The following NDEL1 variants were observed in gnomAD, a reference collection of about 807,000 sequenced individuals.
The protein encoded by NDEL1 is nuclear distribution protein nudE-like 1.
NDEL1 carries 9 observed loss-of-function variants against 45.7 expected under a neutral mutation model. The observed-to-expected ratio is 0.20, with a 90% CI of 0.12 to 0.34. The LOEUF (loss-of-function observed/expected upper bound fraction) is 0.34, where lower values mean the gene tolerates loss of function less well. Among genes scored for constraint, NDEL1 ranks in the 10% least tolerant of loss-of-function variants. NDEL1 has a pLI of 1.00. For synonymous variants in NDEL1, 133 were observed against 158.6 expected (o/e 0.84, Z 1.21); for missense variants, 306 against 406.2 (o/e 0.75, Z 2.12).
chr17:8,441,391 C>G (rs1299700928), intron 1 of NDEL1, among the ~76,000 whole-genome samples: 4 of 152,164 alleles, frequency 2.6e-5, no homozygotes. Flanking sequence ...AATCCTGGAA[C>G]CTTCCAAGAG....
chr17:8,452,740 C>CTT, intron 6 of NDEL1, among the ~76,000 whole-genome samples: 85,811 of 95,718 alleles, frequency 0.9, 39,006 homozygotes, highest in East Asian at 0.97. Flanking sequence ...TTTTTCTTCT[C>CTT]TTTTTTTTTT....
intron 5 of NDEL1, 87 bp downstream of exon 5, chr17:8,448,773 T>C (rs1910262471): frequency 1.5e-6 from 2 of 1,305,488 alleles, no homozygotes; most frequent in Non-Finnish European, 2.1e-6. Flanking sequence ...TGATTTTTTT[T>C]CAACCAAATG....
chr17:8,420,660 G>A (rs1041172133), intron 1 of NDEL1, among the ~76,000 whole-genome samples: 2 of 152,220 alleles, frequency 1.3e-5, no homozygotes, highest in African/African-American at 2.4e-5. Context: ...TATGAATGCT[G>A]GTTGACAGGG....
At chr17:8,413,559 C>T (rs577684792) in intron 1 of NDEL1, among the ~76,000 whole-genome samples, 1 of 152,278 alleles carries the variant, frequency 6.6e-6, no homozygotes, top group East Asian at 1.9e-4. Flanking sequence ...CTGAACTGCC[C>T]ACATAGCATT....
At position 8,467,201 on chromosome 17, in the gene NDEL1, C is replaced by T. The variant is rs779961837; in HGVS notation, c.*178C>T. The stretch of plus-strand genomic sequence containing the variant: ...CCCTGCCCAGCCCCGGAACTCTGCG[C>T]GATATCAATACTGGCTATTTTCTCT... On this transcript the variant is annotated 3_prime_UTR_variant, in exon 9 of 9. Transcript: ENST00000334527. This position sits in a 1 kb window ranked among gnomAD's most constrained non-coding sequence, Gnocchi z 6.3. 6.4e-5 allele frequency: 40 copies of T among 625,172 alleles called. No individual in the cohort carries two copies. Among genetic ancestry groups the T allele is most frequent in the Non-Finnish European group, 8.7e-5 (31 of 355,458 alleles). 38.7% of individuals were successfully genotyped at this position (625,172 alleles called of 1,614,324 possible).
intron 7 of NDEL1, among the ~76,000 whole-genome samples, chr17:8,459,340 C>G (rs958231143): frequency 6.6e-6 from 1 of 152,116 alleles, no homozygotes; most frequent in Admixed American, 6.6e-5. Context: ...TGGTAGAGCC[C>G]TGTGCTTGCC....
At chr17:8,435,365 C>G (rs1171518673), upstream of NDEL1, among the ~76,000 whole-genome samples, 1 of 152,206 alleles carries the variant, frequency 6.6e-6, no homozygotes. Context: ...ATAAGAGGTT[C>G]TAGCTCTCAT....
chr17:8,450,726 A>G, intron 5 of NDEL1, 54 bp from the exon 6 acceptor site: 1 of 1,471,082 alleles, frequency 6.8e-7, no homozygotes, highest in Non-Finnish European at 9.1e-7. Flanking sequence ...ACTTTGCTTG[A>G]TATATTTGCT....
At chr17:8,424,203 C>T (rs1225587042) in intron 1 of NDEL1, among the ~76,000 whole-genome samples, 3 of 152,146 alleles carry the variant, frequency 2.0e-5, no homozygotes, top group Admixed American at 6.5e-5. Context: ...GATCCCATAC[C>T]GATTGTTGAG....
At chr17:8,433,174 C>T (rs1909059611), upstream of NDEL1, among the ~76,000 whole-genome samples, 1 of 151,740 alleles carries the variant, frequency 6.6e-6, no homozygotes, top group Admixed American at 6.6e-5. Context: ...CTGTTCTTGT[C>T]AGCAGCTGAC....
chr17:8,445,832 C>T lies in NDEL1; in HGVS notation c.208C>T (p.Gln70Ter). 6.4e-7 allele frequency: 1 copy of T among 1,558,682 alleles called. No homozygotes were observed. The highest frequency in any genetic ancestry group is 8.6e-7 in the Non-Finnish European group (1 of 1,157,582). Residue 70 changes from glutamine to a stop codon, truncating the protein, a stop_gained, in exon 3 of 9, where the codon CAA becomes TAA. Coordinates refer to ENST00000334527, the MANE Select transcript of NDEL1 (RefSeq NM_030808.5). LOFTEE classifies it high-confidence loss of function. The part of the protein sequence containing the change: ...QRNRDLQADN[Q>*]RLKYEVEALK... ...AAATAGAGACTTGCAGGCTGATAAC[C>T]AAAGACTGAAATATGAAGTGGAGGC...
chr17:8,460,852 A>G (rs1911150990), intron 8 of NDEL1, among the ~76,000 whole-genome samples: 1 of 152,176 alleles, frequency 6.6e-6, no homozygotes, highest in African/African-American at 2.4e-5. Flanking sequence ...TATACTTTAA[A>G]TATTGCTTTG....
chr17:8,439,045 C>T (rs1204801903), intron 1 of NDEL1, among the ~76,000 whole-genome samples: 2 of 149,538 alleles, frequency 1.3e-5, no homozygotes, highest in Non-Finnish European at 3.0e-5. Flanking sequence ...GGGTTCACGC[C>T]ATTCTCCTGC....
intron 3 of NDEL1, among the ~76,000 whole-genome samples, chr17:8,446,455 G>A (rs1287672461): frequency 6.6e-6 from 1 of 152,190 alleles, no homozygotes; most frequent in Non-Finnish European, 1.5e-5. Context: ...GCCGCATTTA[G>A]CCTGAAAATC....
chr17:8,465,212 A>G lies in NDEL1; in HGVS notation c.945-1718A>G, dbSNP rs1293147901. On this transcript the variant is annotated intron_variant, in intron 8 of 8. Coordinates refer to ENST00000334527, the MANE Select transcript of NDEL1 (RefSeq NM_030808.5). The surrounding 1 kb of genome is among the most constrained non-coding windows in gnomAD (Gnocchi z 4.9). Reference sequence around the variant, plus strand: ...GGGACTAGCCAGACAGATGGAGCCTATTATATGAGGGCTACCGTGGCAAAT... The same window carrying G: ...GGGACTAGCCAGACAGATGGAGCCTGTTATATGAGGGCTACCGTGGCAAAT... The G allele has an allele frequency of 1.3e-5, 2 of 152,230 alleles. No homozygotes were observed. The highest frequency in any genetic ancestry group is 6.5e-5 in the Admixed American group (1 of 15,284). The allele number at this position is 152,230 out of a possible 1,614,324, so 9.4% of individuals were successfully genotyped here.
chr17:8,441,581 T>C (rs1301243818), intron 1 of NDEL1, among the ~76,000 whole-genome samples: 2 of 152,250 alleles, frequency 1.3e-5, no homozygotes. Context: ...CTTTCTTCTA[T>C]TGCTTTTTTT....
chr17:8,442,167 G>A lies in NDEL1; in HGVS notation c.-12-2093G>A, dbSNP rs1054842346. On this transcript the variant is annotated intron_variant, in intron 1 of 8. Coordinates refer to ENST00000334527, the MANE Select transcript of NDEL1 (RefSeq NM_030808.5). ...TCAACTCCCTATTCTTTGATGTGGA[G>A]CCTGTACTGAGCCTATGTCAGTGAC... 6.6e-5 allele frequency among the ~76,000 whole-genome samples: 10 copies of A among 152,266 alleles called. No individual in the cohort carries two copies. In the East Asian group the frequency reaches 7.7e-4, roughly 12 times the overall value.
At position 8,454,974 on chromosome 17, in the gene NDEL1, A is replaced by G. The variant is rs116700166; in HGVS notation, c.792+87A>G. On this transcript the variant is annotated intron_variant, in intron 7 of 8. Coordinates refer to ENST00000334527, the MANE Select transcript of NDEL1 (RefSeq NM_030808.5). ...TTTGAAGTGAGGGAAGAAAGAAAGGATACTTTCCTGTGGTAAAGGCTGTCA... is the reference window on the plus strand; with the variant it reads ...TTTGAAGTGAGGGAAGAAAGAAAGGGTACTTTCCTGTGGTAAAGGCTGTCA... The G allele has an allele frequency of 2.0e-3, 2,501 of 1,270,306 alleles. 36 individuals are homozygous for G. In the African/African-American group the frequency reaches 0.032, roughly 16 times the overall value. The allele number at this position is 1,270,306 out of a possible 1,614,324, so 78.7% of individuals were successfully genotyped here. A position where few individuals can be genotyped will look rare whatever the true frequency, so the allele number is the denominator to read the frequency against.
chr17:8,446,882 C>T lies in NDEL1; in HGVS notation c.369C>T (p.Asp123=), dbSNP rs146379947. The T allele has an allele frequency of 5.9e-5, 96 of 1,613,968 alleles. No individual in the cohort carries two copies. In the East Asian group the frequency reaches 6.7e-4, roughly 11 times the overall value. The change falls in exon 4 of 9, where the codon GAC becomes GAT. Residue 123 remains aspartate (D), a synonymous_variant. Coordinates refer to ENST00000334527, the MANE Select transcript of NDEL1 (RefSeq NM_030808.5). ...KYVRELEQAN[D]DLERAKRATI... is the part of the protein sequence containing the mutation. Reference sequence around the variant, plus strand: ...TGAGAGAGCTGGAGCAGGCCAACGACGACCTGGAGCGAGCCAAAAGGTAAA... The same window carrying T: ...TGAGAGAGCTGGAGCAGGCCAACGATGACCTGGAGCGAGCCAAAAGGTAAA...
Sources: allele counts gnomAD v4.1 joint callset (sites outside exome capture counted in the v4.1 genomes callset), GRCh38; gene constraint gnomAD v4.1.1; non-coding constraint Gnocchi (gnomAD v3.1); transcripts MANE v1.5; gene names NCBI Gene and HGNC (gene_info 2026-07-23, HGNC 2026-07-21).